GCM2: variants seen among roughly 807,000 people sequenced by gnomAD.
GCM2 encodes chorion-specific transcription factor GCMb.
In GCM2, 21 loss-of-function variants were observed where a neutral mutation model predicts 24.8. The observed-to-expected ratio is 0.85, with a 90% CI of 0.60 to 1.22. The LOEUF (loss-of-function observed/expected upper bound fraction) is 1.22. Ranked by LOEUF, GCM2 falls within the 50% of genes most tolerant of loss-of-function variation. The pLI, the probability that GCM2 is intolerant of heterozygous loss-of-function variation, is 0.00. For missense variants in GCM2, 532 were observed against 645.6 expected, an observed-to-expected ratio of 0.82 and a Z score of 1.91; for synonymous variants, 222 against 238.0, an observed-to-expected ratio of 0.93 and a Z score of 0.62.
chr6:10,877,426 A>C, intron 1 of GCM2, 34 bp from the exon 2 acceptor site: 1 of 1,613,220 alleles, frequency 6.2e-7, no homozygotes, highest in Non-Finnish European at 8.5e-7. Context: ...TGGTCAGTCT[A>C]TCCAGTCCAA....
At chr6:10,879,824 T>C (rs1164448451) in intron 1 of GCM2, among the ~76,000 whole-genome samples, 2 of 152,248 alleles carry the variant, frequency 1.3e-5, no homozygotes, top group Non-Finnish European at 2.9e-5. Context: ...TACTTGGATG[T>C]GACTTTTCTA....
chr6:10,881,988 G>A lies in GCM2; in HGVS notation c.-195C>T, dbSNP rs545038794. On this transcript the variant is annotated 5_prime_UTR_variant, in exon 1 of 5. Coordinates refer to ENST00000379491, the MANE Select transcript of GCM2 (RefSeq NM_004752.4). ...GGGGACAATGGTTATGGACCCGGGC[G>A]GGGCCTTGTCCTTGGCCGCGGTGCT... The A allele has an allele frequency of 8.2e-6, 5 of 610,228 alleles. No individual in the cohort carries two copies. The highest frequency in any genetic ancestry group is 5.7e-5 in the East Asian group (2 of 34,894). 37.8% of individuals were successfully genotyped at this position (610,228 alleles called of 1,614,324 possible).
At chr6:10,878,317 C>T (rs568401304) in intron 1 of GCM2, among the ~76,000 whole-genome samples, 1 of 152,086 alleles carries the variant, frequency 6.6e-6, no homozygotes, top group Non-Finnish European at 1.5e-5. Flanking sequence ...TTACTGAGCA[C>T]TTCCTTTTTT....
At position 10,874,619 on chromosome 6, in the gene GCM2, A is replaced by G. The variant is rs73440491; in HGVS notation, c.897T>C (p.Pro299=). 11,804 of 1,614,144 alleles carry G rather than the reference A, an allele frequency of 7.3e-3. 152 individuals are homozygous for G. The highest frequency in any genetic ancestry group is 0.052 in the African/African-American group (3,869 of 75,048). The change falls in exon 5 of 5, where the codon CCT becomes CCC. Residue 299 remains proline, a synonymous_variant. Coordinates refer to ENST00000379491, the MANE Select transcript of GCM2 (RefSeq NM_004752.4). ...PTLYKDSTSI[P]NDTDWVHLNT... Reference sequence around the variant, plus strand: ...TCAGATGAACCCAGTCTGTGTCATTAGGGATACTGGTGGAATCCTTATAAA... The same window carrying G: ...TCAGATGAACCCAGTCTGTGTCATTGGGGATACTGGTGGAATCCTTATAAA...
At chr6:10,881,589 TGTGTGTG>T (rs1561673751) in intron 1 of GCM2, 108 bp downstream of exon 1, 7,223 of 684,470 alleles carry the variant, frequency 0.011, 68 homozygotes, top group Middle Eastern at 0.024. Context: ...TGTGTGTGTG[TGTGTGTG>T]TGTGTGTGTG....
chr6:10,877,077 AAAC>A lies in GCM2; in HGVS notation c.343+60_343+62del, dbSNP rs931698636. 6.9e-6 allele frequency: 11 copies of A among 1,590,762 alleles called. No individual in the cohort carries two copies. The Admixed American group carries it at 8.3e-5, about 12-fold the overall frequency. On this transcript the variant is annotated intron_variant, in intron 2 of 4. Transcript: ENST00000379491. ...GGCTCCATCTCAAACAAACAAACAA[AAAC>A]AACAACAACAAAAAACTCATGACTC...
In GCM2 at chr6:10,874,542, T is replaced by C. The variant is rs1378919060; in HGVS notation, c.974A>G (p.Asp325Gly). The C allele has an allele frequency of 1.2e-6, 2 of 1,614,094 alleles. No individual in the cohort carries two copies. Among genetic ancestry groups the C allele is most frequent in the Non-Finnish European group, 1.7e-6 (2 of 1,180,046 alleles). The change falls in exon 5 of 5, where the codon GAT becomes GGT. Residue 325 changes from aspartate (D) to glycine (G), a missense_variant. This residue lies in a region of GCM2 where 434 missense variants were observed against 521.9 expected (regional missense o/e 0.83). Transcript: ENST00000379491. ...NSYSSYERSF[D>G]FTNKQHGWKP... ...CCAGCCATGCTGTTTGTTGGTGAAA[T>C]CAAAGCTTCTCTCATAGCTGCTGTA...
Position 10,876,474 on chromosome 6 carries a change from G to T in GCM2, c.427C>A (p.Arg143=). The T allele has an allele frequency of 6.2e-7, 1 of 1,613,206 alleles. No individual in the cohort carries two copies. Among genetic ancestry groups the T allele is most frequent in the South Asian group, 1.1e-5 (1 of 91,062 alleles). ...AAAAAGATCGCGTTGCCATCAAGCC[G>T]CCAAAAGTTGGTTACGGGGTATCCG... ...HSGYPVTNFW[R]LDGNAIFFQA... is the part of the protein sequence containing the mutation. Residue 143 remains arginine, a synonymous_variant, in exon 3 of 5, where the codon CGG becomes AGG. Coordinates refer to ENST00000379491, the MANE Select transcript of GCM2 (RefSeq NM_004752.4).
intron 2 of GCM2, 35 bp downstream of exon 2, chr6:10,877,105 C>A: frequency 6.2e-7 from 1 of 1,605,578 alleles, no homozygotes; most frequent in African/African-American, 1.3e-5. Flanking sequence ...ACTCATGACT[C>A]CAAGGTCACC....
Position 10,881,702 on chromosome 6 carries a change from AC to A in GCM2, c.90+1del. ...GTGCCCGCACACACCCGGTTCACTT[AC>A]CTGAGGCATCTGCGGATCGTTGATG... On this transcript the variant is annotated splice_donor_variant, in intron 1 of 4. Coordinates refer to ENST00000379491, the MANE Select transcript of GCM2 (RefSeq NM_004752.4). LOFTEE classifies it high-confidence loss of function. The A allele has an allele frequency of 6.2e-7, 1 of 1,608,620 alleles. No homozygotes were observed.
chr6:10,877,539 G>T, intron 1 of GCM2, 147 bp from the exon 2 acceptor site: 1 of 800,128 alleles, frequency 1.2e-6, no homozygotes, highest in Non-Finnish European at 2.1e-6. Flanking sequence ...CTCTTTCTAT[G>T]TAAGACTTCC....
At chr6:10,876,142 A>G (rs1779874507) in intron 3 of GCM2, 126 bp from the exon 4 acceptor site, 3 of 1,009,462 alleles carry the variant, frequency 3.0e-6, no homozygotes, top group East Asian at 4.8e-5. Flanking sequence ...AAAATGACAG[A>G]AAAAAAAATT....
At chr6:10,880,830 A>G (rs1209672363) in intron 1 of GCM2, among the ~76,000 whole-genome samples, 2 of 152,174 alleles carry the variant, frequency 1.3e-5, no homozygotes, top group African/African-American at 4.8e-5. Flanking sequence ...GCAGTTAGGG[A>G]GGTCTGAGCA....
At chr6:10,874,967 T>C in intron 4 of GCM2, 34 bp from the exon 5 acceptor site, 1 of 1,434,222 alleles carries the variant, frequency 7.0e-7, no homozygotes, top group Non-Finnish European at 9.8e-7. Flanking sequence ...ACACACGCTA[T>C]GTAAATCGTG....
At chr6:10,875,551 G>C (rs1779865508) in intron 4 of GCM2, among the ~76,000 whole-genome samples, 1 of 152,140 alleles carries the variant, frequency 6.6e-6, no homozygotes, top group East Asian at 1.9e-4. Context: ...TAATGGAAAG[G>C]ACCCTCTCAA....
chr6:10,873,900 G>A lies in GCM2; in HGVS notation c.*95C>T. ...CTATCTGTGTTTCTTTGCACACAAG[G>A]TGAATCTCCCAACTCAATAAGAGAT... On this transcript the variant is annotated 3_prime_UTR_variant, in exon 5 of 5. Coordinates refer to ENST00000379491, the MANE Select transcript of GCM2 (RefSeq NM_004752.4). 1 of 933,180 alleles carries A rather than the reference G, an allele frequency of 1.1e-6. No individual in the cohort carries two copies. Among genetic ancestry groups the A allele is most frequent in the South Asian group, 1.4e-5 (1 of 74,008 alleles). 57.8% of individuals were successfully genotyped at this position (933,180 alleles called of 1,614,324 possible). A position where few individuals can be genotyped will look rare whatever the true frequency, so the allele number is the denominator to read the frequency against.
intron 1 of GCM2, among the ~76,000 whole-genome samples, chr6:10,881,293 C>A (rs1779953691): frequency 6.6e-6 from 1 of 151,932 alleles, no homozygotes; most frequent in Admixed American, 6.6e-5. Flanking sequence ...CGAGTAGCTG[C>A]GACTTTAGGC....
intron 1 of GCM2, 39 bp from the exon 2 acceptor site, chr6:10,877,431 G>C (rs1477351653): frequency 6.2e-7 from 1 of 1,611,006 alleles, no homozygotes; most frequent in Admixed American, 1.7e-5. Context: ...AGTCTATCCA[G>C]TCCAAACTGC....
chr6:10,874,765 G>C lies in GCM2; in HGVS notation c.751C>G (p.Gln251Glu), dbSNP rs1057519581. ...TGGAAGGGTGGCATTTTGTCTCCTT[G>C]AAAGGTGGCTAGGTCACAGGTAGCT... The part of the protein sequence containing the change: ...YKATCDLATF[Q>E]GDKMPPFQKY... Residue 251 changes from glutamine to glutamate, a missense_variant, in exon 5 of 5, where the codon CAA becomes GAA. Transcript: ENST00000379491. The C allele has an allele frequency of 6.2e-7, 1 of 1,614,086 alleles. No homozygotes were observed. Among genetic ancestry groups the C allele is most frequent in the Non-Finnish European group, 8.5e-7 (1 of 1,179,996 alleles).
Sources: allele counts gnomAD v4.1 joint callset (sites outside exome capture counted in the v4.1 genomes callset), GRCh38; gene constraint gnomAD v4.1.1; regional missense constraint gnomAD v4.1.1; transcripts MANE v1.5; gene names NCBI Gene and HGNC (gene_info 2026-07-23, HGNC 2026-07-21).